Variants in DNAAF5 observed in about 807,000 individuals in gnomAD.
The protein encoded by DNAAF5 is dynein axonemal assembly factor 5, also known as HEAT repeat containing 2.
DNAAF5 carries 64 observed loss-of-function variants against 75.8 expected under a neutral mutation model. That is an observed-to-expected ratio of 0.84 (90% confidence interval 0.69 to 1.04). DNAAF5 has a LOEUF of 1.04. DNAAF5 is among the 50% of genes least tolerant of loss of function. The probability of loss-of-function intolerance (pLI) is 0.00; values close to 1 mark genes in which losing one functional copy is unlikely to be tolerated. For missense variants in DNAAF5, 1,269 were observed against 1,178.5 expected, an observed-to-expected ratio of 1.08 and a Z score of -1.12; for synonymous variants, 657 against 557.2, an observed-to-expected ratio of 1.18 and a Z score of -2.52.
At chr7:745,773 C>G (rs1019513208) in intron 4 of DNAAF5, among the ~76,000 whole-genome samples, 1 of 152,260 alleles carries the variant, frequency 6.6e-6, no homozygotes, top group African/African-American at 2.4e-5. Context: ...CTGCCCTACC[C>G]CGCCAACTGT....
At chr7:762,363 T>C (rs1032956448) in intron 7 of DNAAF5, among the ~76,000 whole-genome samples, 1 of 151,952 alleles carries the variant, frequency 6.6e-6, no homozygotes, top group African/African-American at 2.4e-5. Context: ...GGCATGTGCC[T>C]GTAGTCCCAG....
intron 7 of DNAAF5, 38 bp from the exon 8 acceptor site, chr7:763,768 T>G: frequency 6.2e-7 from 1 of 1,605,586 alleles, no homozygotes; most frequent in Non-Finnish European, 8.5e-7. Context: ...GAGCCCTGAG[T>G]GTTGGAATTG....
chr7:748,927 C>T (rs1395330906), intron 4 of DNAAF5, among the ~76,000 whole-genome samples: 1 of 152,216 alleles, frequency 6.6e-6, no homozygotes, highest in Non-Finnish European at 1.5e-5. Flanking sequence ...AGGTAATGAC[C>T]TATCAATAAG....
At position 729,704 on chromosome 7, in the gene DNAAF5, A is replaced by T; in HGVS notation, c.637A>T (p.Met213Leu). The T allele has an allele frequency of 1.2e-6, 2 of 1,614,076 alleles. No individual in the cohort carries two copies. Among genetic ancestry groups the T allele is most frequent in the Non-Finnish European group, 1.7e-6 (2 of 1,180,004 alleles). Residue 213 changes from methionine (M) to leucine (L), a missense_variant, in exon 2 of 13, where the codon ATG becomes TTG. Met to Leu is a conservative substitution (Grantham distance 15). Transcript: ENST00000297440. ...MQSESLIGPL[M>L]QTISHQHWKV... ...GTCGGAGTCTCTGATCGGGCCCCTG[A>T]TGCAGACCATCTCCCACCAGCACTG...
chr7:729,297 C>T (rs752182742), intron 1 of DNAAF5, among the ~76,000 whole-genome samples: 2 of 152,190 alleles, frequency 1.3e-5, no homozygotes, highest in African/African-American at 2.4e-5. Context: ...CTTCTGGGCT[C>T]GGCTTCTTTC....
At position 770,576 on chromosome 7, in the gene DNAAF5, C is replaced by T. The variant is rs1332223769; in HGVS notation, c.1889C>T (p.Ser630Phe). Residue 630 changes from serine to phenylalanine, a missense_variant, in exon 9 of 13, where the codon TCC becomes TTC. Physicochemically the swap from Ser to Phe is radical, Grantham distance 155. Transcript: ENST00000297440. ...QMRLKLFSIL[S>F]TVLLRATDTI... ...CGCCTGAAGCTGTTCTCCATCCTGT[C>T]CACCGTGCTGCTCAGAGCCACGGAC... The T allele has an allele frequency of 6.2e-7, 1 of 1,613,926 alleles. No individual in the cohort carries two copies. The highest frequency in any genetic ancestry group is 1.1e-5 in the South Asian group (1 of 91,092).
chr7:727,505 C>T (rs1781384865), intron 1 of DNAAF5, 190 bp downstream of exon 1: 2 of 307,164 alleles, frequency 6.5e-6, no homozygotes, highest in East Asian at 5.1e-5. Context: ...CCGGCCCCCT[C>T]CTCCCACCAC....
chr7:745,115 T>C (rs951205473), intron 4 of DNAAF5, among the ~76,000 whole-genome samples: 5 of 152,208 alleles, frequency 3.3e-5, no homozygotes, highest in Non-Finnish European at 7.3e-5. Context: ...TCCTGGTGAT[T>C]TCAGCTGGGC....
Position 754,539 on chromosome 7 carries a change from T to G in DNAAF5, c.1025-50T>G. On this transcript the variant is annotated intron_variant, in intron 4 of 12. Coordinates refer to ENST00000297440, the MANE Select transcript of DNAAF5 (RefSeq NM_017802.4). This position sits in a 1 kb window ranked among gnomAD's most constrained non-coding sequence, Gnocchi z 4.8. ...TGTGATGTGCGGTAACTTGAGTTGT[T>G]GAGGTTTTGCTTGTGAATTTCTCAT... is the stretch of plus-strand genomic sequence containing the variant. 2.6e-5 allele frequency: 38 copies of G among 1,488,064 alleles called. No homozygotes were observed. The highest frequency in any genetic ancestry group is 3.5e-5 in the Non-Finnish European group (37 of 1,068,158). 92.2% of individuals were successfully genotyped at this position (1,488,064 alleles called of 1,614,324 possible).
chr7:726,857 G>A lies in DNAAF5; in HGVS notation c.137G>A (p.Arg46Gln), dbSNP rs1345111657. Residue 46 changes from arginine to glutamine, a missense_variant, in exon 1 of 13, where the codon CGG becomes CAG. Physicochemically the swap from Arg to Gln is conservative, Grantham distance 43. Transcript: ENST00000297440. ...PGLEADSKPG[R>Q]RRALEALRRA... is the part of the protein sequence containing the mutation. Reference sequence around the variant, plus strand: ...CTGGAGGCCGACAGCAAGCCGGGCCGGCGGCGCGCCTTGGAGGCCCTGCGG... The same window carrying A: ...CTGGAGGCCGACAGCAAGCCGGGCCAGCGGCGCGCCTTGGAGGCCCTGCGG... 1 of 1,318,506 alleles carries A rather than the reference G, an allele frequency of 7.6e-7. No individual in the cohort carries two copies. The highest frequency in any genetic ancestry group is 9.6e-7 in the Non-Finnish European group (1 of 1,037,150). 81.7% of individuals were successfully genotyped at this position (1,318,506 alleles called of 1,614,324 possible).
chr7:732,905 A>G (rs563697277), intron 2 of DNAAF5, among the ~76,000 whole-genome samples: 1 of 152,248 alleles, frequency 6.6e-6, no homozygotes, highest in South Asian at 2.1e-4. Flanking sequence ...GTGGTTTCAT[A>G]GTTTGAGGTC....
intron 11 of DNAAF5, among the ~76,000 whole-genome samples, chr7:776,820 G>T (rs1778776752): frequency 6.6e-6 from 1 of 152,226 alleles, no homozygotes; most frequent in South Asian, 2.1e-4. Flanking sequence ...TCCGGGTCCT[G>T]TTAGGAACCA....
chr7:735,498 A>G (rs1207510166), intron 2 of DNAAF5, among the ~76,000 whole-genome samples: 3 of 145,984 alleles, frequency 2.1e-5, no homozygotes, highest in Non-Finnish European at 4.5e-5. Flanking sequence ...CGTTGCTCAT[A>G]TTGTAGTTGC....
Position 745,417 on chromosome 7 carries a change from C to T in DNAAF5, c.1024+3952C>T, listed in dbSNP as rs117117614. ...CGGTAAGGGAGAAGACAGAGCGAGG[C>T]GCACACGCATACACACACACACACA... On this transcript the variant is annotated intron_variant, in intron 4 of 12. Transcript: ENST00000297440. 1.3e-3 allele frequency among the ~76,000 whole-genome samples: 179 copies of T among 135,412 alleles called. 2 individuals are homozygous for T. The East Asian group carries it at 0.018, about 14-fold the overall frequency. The allele number at this position is 135,412 out of a possible 152,430, so 88.8% of individuals were successfully genotyped here.
chr7:763,552 T>C (rs1364875242), intron 7 of DNAAF5, among the ~76,000 whole-genome samples: 1 of 152,230 alleles, frequency 6.6e-6, no homozygotes, highest in Non-Finnish European at 1.5e-5. Flanking sequence ...CATCCCAGTG[T>C]GCACAGTGCC....
chr7:770,685 C>G, intron 9 of DNAAF5, 67 bp downstream of exon 9: 1 of 1,488,324 alleles, frequency 6.7e-7, no homozygotes, highest in East Asian at 2.3e-5. Context: ...CCATCTCCCT[C>G]CCCAACAGCT....
intron 6 of DNAAF5, among the ~76,000 whole-genome samples, chr7:758,799 C>T (rs908566985): frequency 2.0e-5 from 3 of 152,212 alleles, no homozygotes; most frequent in Non-Finnish European, 4.4e-5. Context: ...TCTCCTGCCT[C>T]AGCCTCCCAA....
chr7:735,558 G>A (rs753124808), intron 2 of DNAAF5, among the ~76,000 whole-genome samples: 5 of 152,146 alleles, frequency 3.3e-5, no homozygotes, highest in Non-Finnish European at 4.4e-5. Flanking sequence ...TCACAGTGTC[G>A]CTGCTCACGA....
At chr7:755,660 G>A (rs1282763062) in intron 5 of DNAAF5, among the ~76,000 whole-genome samples, 1 of 152,138 alleles carries the variant, frequency 6.6e-6, no homozygotes, top group Admixed American at 6.5e-5. Context: ...GAGCCCGGGA[G>A]TTTGAGGCCT....
Sources: gnomAD v4.1 joint callset for allele counts (sites outside exome capture counted in the v4.1 genomes callset) on GRCh38, gnomAD v4.1.1 for gene constraint, Gnocchi (gnomAD v3.1) non-coding constraint, MANE v1.5 for transcripts, NCBI Gene and HGNC (gene_info 2026-07-23, HGNC 2026-07-21) for gene names.